The following EMG1 variants were observed in gnomAD, a reference collection of about 807,000 sequenced individuals.
EMG1 encodes the protein ribosomal RNA small subunit methyltransferase NEP1.
EMG1 carries 24 observed loss-of-function variants against 26.9 expected under a neutral mutation model. That is an observed-to-expected ratio of 0.89 (90% CI 0.65 to 1.26). The LOEUF is 1.26. Ranked by LOEUF, EMG1 falls within the 50% of genes most tolerant of loss-of-function variation. The pLI, the probability that EMG1 is intolerant of heterozygous loss-of-function variation, is 0.00. For synonymous variants in EMG1, 140 were observed against 112.6 expected (o/e 1.24, Z -1.54); for missense variants, 299 against 307.6 (o/e 0.97, Z 0.21).
chr12:6,983,742 G>T (rs1231585390), downstream of EMG1, among the ~76,000 whole-genome samples: 2 of 152,142 alleles, frequency 1.3e-5, no homozygotes, highest in East Asian at 1.9e-4. Flanking sequence ...TTGAACTAAA[G>T]ATATTAATAT....
In EMG1 at chr12:6,976,702, G is replaced by A. The variant is rs958216558; in HGVS notation, c.*893G>A. ...CCCGCCACTGCATTCCAGCGTGGGT[G>A]ACAAAGCAAGACGCCTTCTCCAAAA... On this transcript the variant is annotated 3_prime_UTR_variant, in exon 6 of 6. Coordinates refer to ENST00000599672, the MANE Select transcript of EMG1 (RefSeq NM_006331.8). 6.3e-6 allele frequency: 1 copy of A among 158,538 alleles called. No individual in the cohort carries two copies. The highest frequency in any genetic ancestry group is 2.4e-5 in the African/African-American group (1 of 41,476). 9.8% of individuals were successfully genotyped at this position (158,538 alleles called of 1,614,324 possible).
At chr12:6,986,810 A>G (rs1946531144) in intron 6 of EMG1, among the ~76,000 whole-genome samples, 1 of 150,772 alleles carries the variant, frequency 6.6e-6, no homozygotes, top group Admixed American at 6.6e-5. Flanking sequence ...AAAAAAAAAA[A>G]AAAAAAAAAA....
rs1243015854 is a variant in EMG1 at position 6,979,468 on chromosome 12, C to T, written c.*3659C>T. 3 of 1,602,280 alleles carry T rather than the reference C, an allele frequency of 1.9e-6. No individual in the cohort carries two copies. Among genetic ancestry groups the T allele is most frequent in the Non-Finnish European group, 2.6e-6 (3 of 1,169,354 alleles). On this transcript the variant is annotated 3_prime_UTR_variant, in exon 6 of 6. Transcript: ENST00000599672. Reference sequence around the variant, plus strand: ...TGCTGCTGCTGCTTTAGTAGACACTCACGTCATAGTCTTCAGTGAGGAGAT... The same window carrying T: ...TGCTGCTGCTGCTTTAGTAGACACTTACGTCATAGTCTTCAGTGAGGAGAT...
At chr12:6,983,095 T>A, downstream of EMG1, 1 of 515,778 alleles carries the variant, frequency 1.9e-6, no homozygotes, top group Non-Finnish European at 3.6e-6. Flanking sequence ...CCCAGCTTGT[T>A]ACTGTATTTT....
In EMG1 at chr12:6,987,074, T is replaced by A. The variant is rs1177889989; in HGVS notation, c.*155-708T>A. On this transcript the variant is annotated intron_variant and NMD_transcript_variant, in intron 6 of 7. Coordinates refer to the EMG1 transcript ENST00000261406. The surrounding 1 kb of genome is among the most constrained non-coding windows in gnomAD (Gnocchi z 4.1). ...GTGGCAGTGAGCTGAGATCACGCCA[T>A]TGCACTCCAGCTTGGGCAACGAGCA... 6.6e-6 allele frequency among the ~76,000 whole-genome samples: 1 copy of A among 151,862 alleles called. No homozygotes were observed. The highest frequency in any genetic ancestry group is 2.4e-5 in the African/African-American group (1 of 41,258).
chr12:6,981,416 G>A, downstream of EMG1: 1 of 737,798 alleles, frequency 1.4e-6, no homozygotes, highest in Non-Finnish European at 2.3e-6. Flanking sequence ...TGCAAGAGCT[G>A]GATCCTGGGC....
chr12:6,982,617 C>T (rs782553501), downstream of EMG1: 1 of 1,297,208 alleles, frequency 7.7e-7, no homozygotes, highest in Non-Finnish European at 1.1e-6. Context: ...CCCCTGCCTA[C>T]CCCTGTCCCC....
At chr12:6,990,431 C>A (rs1207012587), downstream of EMG1, among the ~76,000 whole-genome samples, 1 of 150,288 alleles carries the variant, frequency 6.7e-6, no homozygotes, top group African/African-American at 2.4e-5. Context: ...ATGGTGTGAA[C>A]CTGGGAGGCA....
intron 7 of EMG1, among the ~76,000 whole-genome samples, chr12:6,994,518 G>A (rs1376737971): frequency 6.6e-6 from 1 of 151,976 alleles, no homozygotes; most frequent in African/African-American, 2.4e-5. Flanking sequence ...CCACGCTGGA[G>A]TGCAGTGGCA....
At chr12:6,983,152 C>T (rs974781454), downstream of EMG1, 6 of 469,178 alleles carry the variant, frequency 1.3e-5, no homozygotes, top group African/African-American at 6.0e-5. Flanking sequence ...CTGCTTGGCT[C>T]GGTCATTCAG....
At chr12:6,988,097 C>G (rs1427569097) in intron 7 of EMG1, 4 of 292,900 alleles carry the variant, frequency 1.4e-5, no homozygotes, top group Non-Finnish European at 2.5e-5. Context: ...GGGTGCTTTC[C>G]TTATGGACTT....
downstream of EMG1, among the ~76,000 whole-genome samples, chr12:6,989,767 T>C (rs1946570152): frequency 6.6e-6 from 1 of 152,180 alleles, no homozygotes; most frequent in Non-Finnish European, 1.5e-5. Flanking sequence ...ACAACGTGCA[T>C]TGTTAGCGGG....
At position 6,977,087 on chromosome 12, in the gene EMG1, C is replaced by T; in HGVS notation, c.*1278C>T. On this transcript the variant is annotated 3_prime_UTR_variant, in exon 6 of 6. Coordinates refer to ENST00000599672, the MANE Select transcript of EMG1 (RefSeq NM_006331.8). This position sits in a 1 kb window ranked among gnomAD's most constrained non-coding sequence, Gnocchi z 4.5. ...TATTGTTTTTTTCCAGTCTGTTGCTCTATTCTGTAACCTGGTGGTAGTTTT... is the reference window on the plus strand; with the variant it reads ...TATTGTTTTTTTCCAGTCTGTTGCTTTATTCTGTAACCTGGTGGTAGTTTT... The T allele has an allele frequency of 8.5e-7, 1 of 1,179,380 alleles. No homozygotes were observed. 73.1% of individuals were successfully genotyped at this position (1,179,380 alleles called of 1,614,324 possible). A position where few individuals can be genotyped will look rare whatever the true frequency, so the allele number is the denominator to read the frequency against.
Position 6,979,171 on chromosome 12 carries a change from G to A in EMG1, c.*3362G>A, listed in dbSNP as rs1555153735. Reference sequence around the variant, plus strand: ...GAGAAGAAAATAGGATGGAGAATCAGAAGCTGCTGTGCTCTGAGGGGTCAC... The same window carrying A: ...GAGAAGAAAATAGGATGGAGAATCAAAAGCTGCTGTGCTCTGAGGGGTCAC... On this transcript the variant is annotated 3_prime_UTR_variant, in exon 6 of 6. Coordinates refer to ENST00000599672, the MANE Select transcript of EMG1 (RefSeq NM_006331.8). The A allele has an allele frequency of 2.4e-6, 1 of 412,776 alleles. No homozygotes were observed. The highest frequency in any genetic ancestry group is 4.4e-6 in the Non-Finnish European group (1 of 229,154). The allele number at this position is 412,776 out of a possible 1,614,324, so 25.6% of individuals were successfully genotyped here.
In EMG1 at chr12:6,978,524, CAGTT is replaced by C; in HGVS notation, c.*2718_*2721del. The C allele has an allele frequency of 1.2e-6, 2 of 1,611,736 alleles. No homozygotes were observed. Among genetic ancestry groups the C allele is most frequent in the Non-Finnish European group, 8.5e-7 (1 of 1,178,240 alleles). On this transcript the variant is annotated 3_prime_UTR_variant, in exon 6 of 6. Coordinates refer to ENST00000599672, the MANE Select transcript of EMG1 (RefSeq NM_006331.8). Reference sequence around the variant, plus strand: ...TACTCCTTCCTGAGAGGGAATAGCTCAGTTAGGGCTCTTGCCACTCCCCATACTG... The same window carrying C: ...TACTCCTTCCTGAGAGGGAATAGCTCAGGGCTCTTGCCACTCCCCATACTG...
At chr12:6,973,800 C>T (rs1242056869) in intron 1 of EMG1, among the ~76,000 whole-genome samples, 1 of 152,228 alleles carries the variant, frequency 6.6e-6, no homozygotes, top group Non-Finnish European at 1.5e-5. Context: ...CCTCGGCCTC[C>T]CAAAGTGCTG....
rs149578211 is a variant in EMG1 at position 6,970,938 on chromosome 12, T to G, written c.15T>G (p.Ser5Arg). MAAP[S>R]DGFKPRERSG... is the part of the protein sequence containing the mutation. ...ATTGTTGCAAGATGGCCGCGCCCAG[T>G]GATGGATTCAAGCCTCGTGAACGAA... Residue 5 changes from serine to arginine, a missense_variant, in exon 1 of 6, where the codon AGT (serine) becomes AGG (arginine). Coordinates refer to ENST00000599672, the MANE Select transcript of EMG1 (RefSeq NM_006331.8). 4 of 1,612,912 alleles carry G rather than the reference T, an allele frequency of 2.5e-6. No individual in the cohort carries two copies. In the African/African-American group the frequency reaches 5.3e-5, roughly 22 times the overall value.
In EMG1 at chr12:6,987,343, A is replaced by C. The variant is rs1323473086; in HGVS notation, c.*155-439A>C. Among the ~76,000 whole-genome samples, 3 of 152,218 alleles carry C rather than the reference A, an allele frequency of 2.0e-5. No homozygotes were observed. The highest frequency in any genetic ancestry group is 4.4e-5 in the Non-Finnish European group (3 of 68,030). On this transcript the variant is annotated intron_variant and NMD_transcript_variant, in intron 6 of 7. Transcript: ENST00000261406. The surrounding 1 kb of genome is among the most constrained non-coding windows in gnomAD (Gnocchi z 4.1). ...GGTGGCATGTGATGGTTCGTTTTCT[A>C]GCTGGCTGAGATGATGGGATATAGG...
rs985049880 is a variant in EMG1, at chr12:6,979,096, C to G, written c.*3287C>G. The G allele has an allele frequency of 2.7e-5, 8 of 299,068 alleles. No individual in the cohort carries two copies. Among genetic ancestry groups the G allele is most frequent in the South Asian group, 5.8e-5 (1 of 17,340 alleles). 18.5% of individuals were successfully genotyped at this position (299,068 alleles called of 1,614,324 possible). Reference sequence around the variant, plus strand: ...CAGGAGCAAAAGCCAGCACTTCCCCCCTTCCCTTGGTTTCTGAATTCCCTA... The same window carrying G: ...CAGGAGCAAAAGCCAGCACTTCCCCGCTTCCCTTGGTTTCTGAATTCCCTA... On this transcript the variant is annotated 3_prime_UTR_variant, in exon 6 of 6. Coordinates refer to ENST00000599672, the MANE Select transcript of EMG1 (RefSeq NM_006331.8).
Sources: allele counts gnomAD v4.1 joint callset (sites outside exome capture counted in the v4.1 genomes callset), GRCh38; gene constraint gnomAD v4.1.1; non-coding constraint Gnocchi (gnomAD v3.1); transcripts MANE v1.5; gene names NCBI Gene and HGNC (gene_info 2026-07-23, HGNC 2026-07-21).